NLGN1: variants seen among roughly 807,000 people sequenced by gnomAD.
The protein encoded by NLGN1 is neuroligin 1.
In NLGN1, 12 loss-of-function variants were observed where a neutral mutation model predicts 65.5. That is an observed-to-expected ratio of 0.18 (90% CI 0.12 to 0.30). The LOEUF (loss-of-function observed/expected upper bound fraction) is 0.30, where lower values mean the gene tolerates loss of function less well. Among genes scored for constraint, NLGN1 ranks in the 10% least tolerant of loss-of-function variants. The probability of loss-of-function intolerance (pLI) is 1.00; values close to 1 mark genes in which losing one functional copy is unlikely to be tolerated. For synonymous variants in NLGN1, 350 were observed against 359.5 expected (o/e 0.97, Z 0.30); for missense variants, 750 against 1,007.1 (o/e 0.74, Z 3.46).
chr3:173,955,298 A>T (rs1711723990), intron 4 of NLGN1, among the ~76,000 whole-genome samples: 1 of 152,210 alleles, frequency 6.6e-6, no homozygotes, highest in Non-Finnish European at 1.5e-5. Flanking sequence ...CTCATAGAGC[A>T]TTAATACTGT....
At chr3:173,801,796 T>A (rs1715508379) in intron 3 of NLGN1, among the ~76,000 whole-genome samples, 1 of 152,110 alleles carries the variant, frequency 6.6e-6, no homozygotes, top group African/African-American at 2.4e-5. Flanking sequence ...TTATTCTGAA[T>A]GTTAAATAGC....
intron 4 of NLGN1, among the ~76,000 whole-genome samples, chr3:174,170,051 T>C (rs1728228891): frequency 6.6e-6 from 1 of 152,056 alleles, no homozygotes; most frequent in African/African-American, 2.4e-5. Context: ...GACACCATCA[T>C]GGGGGCTGTT....
intron 4 of NLGN1, among the ~76,000 whole-genome samples, chr3:174,038,737 G>T (rs989850104): frequency 2.9e-4 from 44 of 152,264 alleles, no homozygotes; most frequent in African/African-American, 1.0e-3. Context: ...ATGATTTAGA[G>T]AAATATTATG....
chr3:174,135,838 G>A (rs1721112598), intron 4 of NLGN1, among the ~76,000 whole-genome samples: 1 of 151,994 alleles, frequency 6.6e-6, no homozygotes, highest in Non-Finnish European at 1.5e-5. Context: ...AGTACTTTTA[G>A]GAAAAGCCAT....
intron 3 of NLGN1, among the ~76,000 whole-genome samples, chr3:173,608,812 C>T (rs183294962): frequency 1.3e-5 from 2 of 151,630 alleles, no homozygotes; most frequent in African/African-American, 4.8e-5. Flanking sequence ...ATCAGTTGAC[C>T]GTATTTTAGA....
At chr3:173,823,036 G>A (rs1720629780) in intron 4 of NLGN1, among the ~76,000 whole-genome samples, 1 of 151,850 alleles carries the variant, frequency 6.6e-6, no homozygotes, top group Non-Finnish European at 1.5e-5. Flanking sequence ...GACTCAAGTG[G>A]CATACAGTAG....
chr3:174,232,807 G>T (rs997665480), intron 4 of NLGN1, among the ~76,000 whole-genome samples: 1 of 152,142 alleles, frequency 6.6e-6, no homozygotes, highest in African/African-American at 2.4e-5. Flanking sequence ...AGAATAGATG[G>T]TAAATGTTTC....
chr3:174,020,508 G>T (rs977678121), intron 4 of NLGN1, among the ~76,000 whole-genome samples: 1 of 151,974 alleles, frequency 6.6e-6, no homozygotes, highest in Non-Finnish European at 1.5e-5. Context: ...AAACATTGAT[G>T]TCTAGGTCTT....
chr3:173,566,490 C>A (rs1192398692), intron 2 of NLGN1, among the ~76,000 whole-genome samples: 1 of 152,116 alleles, frequency 6.6e-6, no homozygotes, highest in East Asian at 1.9e-4. Context: ...TAATAAAATT[C>A]TGTCAAATTA....
At chr3:173,798,606 CTGAG>C (rs1209752824) in intron 3 of NLGN1, among the ~76,000 whole-genome samples, 9 of 152,174 alleles carry the variant, frequency 5.9e-5, no homozygotes, top group East Asian at 1.9e-4. Context: ...GAACTTGCAA[CTGAG>C]TGTCAATTAA....
intron 3 of NLGN1, among the ~76,000 whole-genome samples, chr3:173,654,481 A>G (rs1189029147): frequency 6.6e-6 from 1 of 152,170 alleles, no homozygotes; most frequent in Non-Finnish European, 1.5e-5. Context: ...AAATCTACCT[A>G]TGCATCAGGT....
chr3:173,621,518 G>A (rs1217583951), intron 3 of NLGN1, among the ~76,000 whole-genome samples: 1 of 152,014 alleles, frequency 6.6e-6, no homozygotes, highest in African/African-American at 2.4e-5. Flanking sequence ...ATGGTTTTTG[G>A]GCAAGGAGCT....
rs183692545 is a variant in NLGN1, at chr3:173,725,892, C to G, written c.494-81788C>G. Among the ~76,000 whole-genome samples, 5 of 152,212 alleles carry G rather than the reference C, an allele frequency of 3.3e-5. No homozygotes were observed. The East Asian group carries it at 9.7e-4, about 29-fold the overall frequency. On this transcript the variant is annotated intron_variant, in intron 3 of 6. Transcript: ENST00000457714. ...TGTTGGCTGGAAGTCACTCTTACCT[C>G]CTAGATGCTGCCGCTGTTCCTTGCC... is the stretch of plus-strand genomic sequence containing the variant.
At chr3:173,769,271 C>T (rs1779231328) in intron 3 of NLGN1, among the ~76,000 whole-genome samples, 3 of 152,126 alleles carry the variant, frequency 2.0e-5, no homozygotes, top group African/African-American at 4.8e-5. Flanking sequence ...ACTGTTTCTT[C>T]CAGGAGAAAG....
intron 4 of NLGN1, among the ~76,000 whole-genome samples, chr3:174,258,229 T>C (rs569801671): frequency 1.3e-5 from 2 of 152,142 alleles, no homozygotes; most frequent in South Asian, 2.1e-4. Flanking sequence ...TGTGGGACAA[T>C]TGTAGCATCA....
intron 4 of NLGN1, among the ~76,000 whole-genome samples, chr3:174,099,125 A>G (rs908040286): frequency 6.6e-6 from 1 of 152,202 alleles, no homozygotes; most frequent in Non-Finnish European, 1.5e-5. Flanking sequence ...CAAAAAGCCA[A>G]TGTGCAAAGG....
At chr3:173,607,599 G>T (rs1408449048) in intron 3 of NLGN1, among the ~76,000 whole-genome samples, 1 of 151,334 alleles carries the variant, frequency 6.6e-6, no homozygotes, top group Non-Finnish European at 1.5e-5. Flanking sequence ...ACTTTTACCT[G>T]TTTTTTTAAA....
chr3:173,409,263 C>CAT (rs1319885811), intron 1 of NLGN1, among the ~76,000 whole-genome samples: 5 of 152,080 alleles, frequency 3.3e-5, no homozygotes, highest in African/African-American at 9.7e-5. Context: ...CATATGTATA[C>CAT]ATATATATCA....
chr3:173,528,814 A>G (rs1290542051), intron 2 of NLGN1, among the ~76,000 whole-genome samples: 2 of 152,050 alleles, frequency 1.3e-5, no homozygotes, highest in African/African-American at 4.8e-5. Context: ...TGTTTTTAAG[A>G]CATCTATCTC....
Sources: gnomAD v4.1 joint callset for allele counts (sites outside exome capture counted in the v4.1 genomes callset) on GRCh38, gnomAD v4.1.1 for gene constraint, MANE v1.5 for transcripts, NCBI Gene and HGNC (gene_info 2026-07-23, HGNC 2026-07-21) for gene names.